Variants in ZNF850 observed in about 807,000 individuals in gnomAD.
ZNF850 encodes putative zinc finger protein ENSP00000330994.
A neutral mutation model predicts 11.9 loss-of-function variants in ZNF850; 2 were observed. That is an observed-to-expected ratio of 0.17 (90% CI 0.07 to 0.53). ZNF850 has a LOEUF of 0.53. ZNF850 is among the 20% of genes least tolerant of loss of function. The pLI is 0.94. For synonymous variants in ZNF850, 381 were observed against 443.0 expected, an observed-to-expected ratio of 0.86 and a Z score of 1.76; for missense variants, 1,014 against 1,316.4, an observed-to-expected ratio of 0.77 and a Z score of 3.55.
chr19:36,751,698 C>CAAAA (rs398038336), intron 4 of ZNF850, among the ~76,000 whole-genome samples: 1 of 15,760 alleles, frequency 6.3e-5, no homozygotes, highest in Non-Finnish European at 1.1e-4. Flanking sequence ...GACTCCATCT[C>CAAAA]AAAAAAAAAA....
At position 36,749,074 on chromosome 19, in the gene ZNF850, T is replaced by C. The variant is rs61745954; in HGVS notation, c.1966A>G (p.Ser656Gly). ...TGATGTTGGGTGAGTCCTGAGACAC[T>C]GACAAAGGCTTTCCCACATTCCTGA... Reference protein sequence around the residue: ...QCQECGKAFVSVSGLTQHHRI... With the variant: ...QCQECGKAFVGVSGLTQHHRI... Residue 656 changes from serine to glycine, a missense_variant, in exon 5 of 5, where the codon AGT becomes GGT. By Grantham distance (56) the Ser-to-Gly change is moderately conservative. Coordinates refer to ENST00000591344, the MANE Select transcript of ZNF850 (RefSeq NM_001193552.2). The C allele has an allele frequency of 1.6e-4, 261 of 1,602,534 alleles. No homozygotes were observed. Among genetic ancestry groups the C allele is most frequent in the Non-Finnish European group, 2.0e-4 (237 of 1,176,072 alleles).
intron 4 of ZNF850, among the ~76,000 whole-genome samples, chr19:36,751,698 CAAA>C (rs398038336): frequency 5.1e-4 from 8 of 15,762 alleles, no homozygotes; most frequent in Admixed American, 1.1e-3. Flanking sequence ...GACTCCATCT[CAAA>C]AAAAAAAAAA....
intron 1 of ZNF850, among the ~76,000 whole-genome samples, chr19:36,764,599 G>A (rs890062945): frequency 1.3e-5 from 2 of 152,044 alleles, no homozygotes; most frequent in Non-Finnish European, 2.9e-5. Context: ...TCTTCCTTTG[G>A]ATATAAAACA....
At chr19:36,760,910 C>T (rs187529310) in intron 4 of ZNF850, among the ~76,000 whole-genome samples, 119 of 151,608 alleles carry the variant, frequency 7.8e-4, no homozygotes, top group Admixed American at 2.7e-3. Flanking sequence ...GAAATGTCTG[C>T]ATCAAAGGAA....
chr19:36,757,503 CTTT>C (rs57226971), intron 4 of ZNF850, among the ~76,000 whole-genome samples: 1 of 97,392 alleles, frequency 1.0e-5, no homozygotes. Context: ...AATATAGTTT[CTTT>C]TTTTTTTTTT....
chr19:36,751,467 G>A (rs1425072064), intron 4 of ZNF850, among the ~76,000 whole-genome samples: 1 of 152,056 alleles, frequency 6.6e-6, no homozygotes, highest in Non-Finnish European at 1.5e-5. Context: ...TTGGGAGGCT[G>A]AAGCGGGCGG....
chr19:36,756,351 A>T (rs2040486361), intron 4 of ZNF850, among the ~76,000 whole-genome samples: 1 of 152,204 alleles, frequency 6.6e-6, no homozygotes, highest in South Asian at 2.1e-4. Context: ...CTACCCCCAG[A>T]GGAATGCATT....
intron 4 of ZNF850, among the ~76,000 whole-genome samples, chr19:36,752,148 A>T (rs116260815): frequency 0.01 from 1,525 of 152,316 alleles, 32 homozygotes; most frequent in African/African-American, 0.035. Flanking sequence ...CATGATTTTT[A>T]AAAAATACTA....
chr19:36,752,289 A>G (rs1012934411), intron 4 of ZNF850, among the ~76,000 whole-genome samples: 1 of 152,206 alleles, frequency 6.6e-6, no homozygotes, highest in African/African-American at 2.4e-5. Flanking sequence ...TCTTGGGATT[A>G]GAACAGAAAG....
intron 4 of ZNF850, among the ~76,000 whole-genome samples, chr19:36,753,218 G>A (rs826979): frequency 0.39 from 55,884 of 144,944 alleles, 10,964 homozygotes; most frequent in Non-Finnish European, 0.43. Context: ...GCAGTGAGCC[G>A]AAATTGTGCC....
Position 36,748,282 on chromosome 19 carries a change from T to C in ZNF850, c.2758A>G (p.Thr920Ala). 7 of 1,564,116 alleles carry C rather than the reference T, an allele frequency of 4.5e-6. No individual in the cohort carries two copies. The highest frequency in any genetic ancestry group is 1.4e-5 in the African/African-American group (1 of 73,668). ...TGACATCGATAAGGTTTCTCACCAG[T>C]ATGGATTCGTTGATGTTGAGTAAGT... The part of the protein sequence containing the change: ...SKLTQHQRIH[T>A]GEKPYRCHEC... The change falls in exon 5 of 5, where the codon ACT becomes GCT. Residue 920 changes from threonine to alanine, a missense_variant. Physicochemically the swap from Thr to Ala is moderately conservative, Grantham distance 58. Around this residue, in one of 2 missense-constraint regions of ZNF850, gnomAD observed 179 missense variants for 294.4 expected, o/e 0.61. Transcript: ENST00000591344.
chr19:36,748,072 A>C lies in ZNF850; in HGVS notation c.2968T>G (p.Phe990Val), dbSNP rs1305578648. Reference protein sequence around the residue: ...PYECKECGKSFTCGSELIRHQ... With the variant: ...PYECKECGKSVTCGSELIRHQ... ...CGAATTAGTTCTGAGCCGCAAGTAA[A>C]AGATTTCCCACATTCTTTACATTCA... The change falls in exon 5 of 5, where the codon TTT becomes GTT. Residue 990 changes from phenylalanine to valine, a missense_variant. Phe to Val is a conservative substitution (Grantham distance 50). This residue lies in a region of ZNF850 where 179 missense variants were observed against 294.4 expected (regional missense o/e 0.61). Transcript: ENST00000591344. The C allele has an allele frequency of 1.3e-6, 2 of 1,560,536 alleles. No individual in the cohort carries two copies. The highest frequency in any genetic ancestry group is 1.2e-5 in the South Asian group (1 of 85,510).
chr19:36,759,294 G>A (rs2040504864), intron 4 of ZNF850, among the ~76,000 whole-genome samples: 1 of 151,854 alleles, frequency 6.6e-6, no homozygotes, highest in African/African-American at 2.4e-5. Context: ...TGGCACACAG[G>A]GAGAACCCAT....
intron 4 of ZNF850, among the ~76,000 whole-genome samples, chr19:36,757,509 T>C (rs530427433): frequency 1.4e-5 from 2 of 144,936 alleles, no homozygotes; most frequent in Admixed American, 6.9e-5. Context: ...GTTTCTTTTT[T>C]TTTTTTTTTT....
Position 36,762,431 on chromosome 19 carries a change from C to T in ZNF850, c.13G>A (p.Gly5Arg), listed in dbSNP as rs1213936017. ...GACAGATCCTGGAACATGACCAACC[C>T]CTGAAATGACAAACCCATGCAGCGC... MNME[G>R]LVMFQDLSID... The change falls in exon 3 of 5, where the codon GGG (glycine) becomes AGG (arginine). Residue 5 changes from glycine (G) to arginine (R), a missense_variant and splice_region_variant. By Grantham distance (125) the Gly-to-Arg change is moderately radical. Coordinates refer to ENST00000591344, the MANE Select transcript of ZNF850 (RefSeq NM_001193552.2). 2.6e-6 allele frequency: 4 copies of T among 1,558,396 alleles called. No individual in the cohort carries two copies. Among genetic ancestry groups the T allele is most frequent in the Non-Finnish European group, 2.6e-6 (3 of 1,159,952 alleles).
Position 36,743,772 on chromosome 19 carries a change from A to G in ZNF850, c.*3995T>C, listed in dbSNP as rs1201881148. 5.9e-5 allele frequency: 9 copies of G among 152,240 alleles called. No individual in the cohort carries two copies. The allele number at this position is 152,240 out of a possible 1,614,324, so 9.4% of individuals were successfully genotyped here. A position where few individuals can be genotyped will look rare whatever the true frequency, so the allele number is the denominator to read the frequency against. ...TACTAAAGCACATAAAAGAATACCTACTGAAATAAAGACACACCAGGTACA... is the reference window on the plus strand; with the variant it reads ...TACTAAAGCACATAAAAGAATACCTGCTGAAATAAAGACACACCAGGTACA... On this transcript the variant is annotated 3_prime_UTR_variant, in exon 5 of 5. Transcript: ENST00000591344.
chr19:36,757,770 C>T lies in ZNF850; in HGVS notation c.235+3873G>A, dbSNP rs546748700. On this transcript the variant is annotated intron_variant, in intron 4 of 4. Transcript: ENST00000591344. ...ACCACTCCTGACCTCAAGTGATCTG[C>T]ACACCTCAGCCTCCCAAAGTGCTGG... Among the ~76,000 whole-genome samples, 3 of 152,164 alleles carry T rather than the reference C, an allele frequency of 2.0e-5. No individual in the cohort carries two copies. The East Asian group carries it at 5.8e-4, about 29-fold the overall frequency.
At position 36,749,926 on chromosome 19, in the gene ZNF850, T is replaced by G. The variant is rs754425453; in HGVS notation, c.1114A>C (p.Lys372Gln). ...AGAGCTGAGTGAAAAGTAAAAGATT[T>G]TCCACATTCCTTACAGTCATAGGGT... ...EKPYDCKECG[K>Q]SFTFHSALIR... Residue 372 changes from lysine to glutamine, a missense_variant, in exon 5 of 5, where the codon AAA (lysine) becomes CAA (glutamine). Transcript: ENST00000591344. 6 of 1,571,174 alleles carry G rather than the reference T, an allele frequency of 3.8e-6. No individual in the cohort carries two copies. The East Asian group carries it at 1.4e-4, about 37-fold the overall frequency.
At chr19:36,753,899 G>A (rs2040469605) in intron 4 of ZNF850, among the ~76,000 whole-genome samples, 1 of 151,982 alleles carries the variant, frequency 6.6e-6, no homozygotes, top group East Asian at 1.9e-4. Context: ...CAGTGGAATC[G>A]AACTAAGTAT....
Sources: gnomAD v4.1 joint callset for allele counts (sites outside exome capture counted in the v4.1 genomes callset) on GRCh38, gnomAD v4.1.1 for gene constraint, gnomAD v4.1.1 regional missense constraint, MANE v1.5 for transcripts, NCBI Gene and HGNC (gene_info 2026-07-23, HGNC 2026-07-21) for gene names.